The following ATF6 variants were observed in gnomAD, a reference collection of about 807,000 sequenced individuals.
The protein encoded by ATF6 is activating transcription factor 6.
ATF6 carries 53 observed loss-of-function variants against 83.6 expected under a neutral mutation model. That is an observed-to-expected ratio of 0.63 (90% confidence interval 0.51 to 0.80). The LOEUF (loss-of-function observed/expected upper bound fraction) is 0.80, where lower values mean the gene tolerates loss of function less well. Among genes scored for constraint, ATF6 ranks in the 30% least tolerant of loss-of-function variants. The pLI, the probability that ATF6 is intolerant of heterozygous loss-of-function variation, is 0.00. For synonymous variants in ATF6, 288 were observed against 285.8 expected (o/e 1.01, Z -0.08); for missense variants, 744 against 797.9 (o/e 0.93, Z 0.81).
chr1:161,846,394 G>A (rs1686486950), intron 9 of ATF6, 55 bp from the exon 10 acceptor site: 1 of 1,536,460 alleles, frequency 6.5e-7, no homozygotes, highest in East Asian at 2.4e-5. Context: ...CATGTAGCAG[G>A]CATATGTGTG....
At chr1:161,855,874 C>G (rs1173217762) in intron 12 of ATF6, among the ~76,000 whole-genome samples, 1 of 152,242 alleles carries the variant, frequency 6.6e-6, no homozygotes, top group African/African-American at 2.4e-5. Context: ...CGTGAAAGTT[C>G]TTTCATTGGA....
At chr1:161,868,473 C>T in intron 14 of ATF6, among the ~76,000 whole-genome samples, 1 of 151,872 alleles carries the variant, frequency 6.6e-6, no homozygotes, top group Admixed American at 6.6e-5. Flanking sequence ...TCTAAAAGGC[C>T]CATCTTCTCA....
At chr1:161,951,424 C>T (rs1353827150) in intron 15 of ATF6, among the ~76,000 whole-genome samples, 1 of 152,202 alleles carries the variant, frequency 6.6e-6, no homozygotes, top group Non-Finnish European at 1.5e-5. Flanking sequence ...TTCTTGATGA[C>T]TTGACCAGCA....
chr1:161,931,020 G>A (rs150470238), intron 15 of ATF6, among the ~76,000 whole-genome samples: 38 of 152,076 alleles, frequency 2.5e-4, no homozygotes, highest in African/African-American at 8.9e-4. Context: ...GGGATTACAG[G>A]TGCACACCAC....
At chr1:161,876,714 G>T (rs542895365) in intron 14 of ATF6, among the ~76,000 whole-genome samples, 3 of 152,054 alleles carry the variant, frequency 2.0e-5, no homozygotes, top group Admixed American at 2.0e-4. Context: ...TCAATGTATG[G>T]TCATTTTTTA....
intron 15 of ATF6, among the ~76,000 whole-genome samples, chr1:161,926,767 A>G (rs779537227): frequency 5.3e-5 from 8 of 152,102 alleles, no homozygotes; most frequent in South Asian, 2.1e-4. Context: ...ACAAGTCCAT[A>G]ATATTTTGAT....
At chr1:161,875,617 G>GTTTTCC (rs1687200046) in intron 14 of ATF6, among the ~76,000 whole-genome samples, 1 of 151,788 alleles carries the variant, frequency 6.6e-6, no homozygotes, top group Admixed American at 6.6e-5. Flanking sequence ...AAATATGTCA[G>GTTTTCC]TTTTCCTTGA....
chr1:161,792,239 A>G lies in ATF6; in HGVS notation c.600A>G (p.Ala200=), dbSNP rs1246047496. ...PKTQTNSSVP[A]KTIIIQTVPT... is the part of the protein sequence containing the mutation. ...CTCAAACAAACTCCAGTGTTCCAGC[A>G]AAAACCATCATTATTCAGACAGTAC... Residue 200 remains alanine (A), a synonymous_variant, in exon 6 of 16, where the codon GCA becomes GCG. Coordinates refer to ENST00000367942, the MANE Select transcript of ATF6 (RefSeq NM_007348.4). The G allele has an allele frequency of 1.2e-6, 2 of 1,614,028 alleles. No homozygotes were observed. The highest frequency in any genetic ancestry group is 2.7e-5 in the African/African-American group (2 of 74,940).
intron 9 of ATF6, among the ~76,000 whole-genome samples, chr1:161,833,309 A>G (rs1426923924): frequency 1.3e-5 from 2 of 152,124 alleles, no homozygotes; most frequent in Admixed American, 1.3e-4. Flanking sequence ...TGGGGAAAAA[A>G]CAGAGCAGAA....
chr1:161,938,284 G>A (rs190948680), intron 15 of ATF6, among the ~76,000 whole-genome samples: 62 of 152,350 alleles, frequency 4.1e-4, no homozygotes, highest in Non-Finnish European at 6.2e-4. Context: ...TTTGGCTAGT[G>A]TCAAGTATAG....
rs1007106841 is a variant in ATF6 at position 161,912,363 on chromosome 1, C to T, written c.1787C>T (p.Pro596Leu). ...AGACCAAAAATGTCAATTGTGTTAC[C>T]AGCAATAAACATAAATGGTAAGTTG... Reference protein sequence around the residue: ...TTRPKMSIVLPAININENVIN... With the variant: ...TTRPKMSIVLLAININENVIN... Residue 596 changes from proline (P) to leucine (L), a missense_variant, in exon 15 of 16, where the codon CCA (proline) becomes CTA (leucine). By Grantham distance (98) the Pro-to-Leu change is moderately conservative (BLOSUM62 -3). Transcript: ENST00000367942. 3.1e-6 allele frequency: 5 copies of T among 1,608,086 alleles called. No individual in the cohort carries two copies. The highest frequency in any genetic ancestry group is 4.2e-6 in the Non-Finnish European group (5 of 1,176,622).
intron 9 of ATF6, among the ~76,000 whole-genome samples, chr1:161,823,187 A>T (rs1685806307): frequency 6.6e-6 from 1 of 152,006 alleles, no homozygotes; most frequent in South Asian, 2.1e-4. Context: ...AAAATTTTTA[A>T]TTCATTTAAA....
At chr1:161,871,246 A>G (rs1344350186) in intron 14 of ATF6, among the ~76,000 whole-genome samples, 2 of 151,766 alleles carry the variant, frequency 1.3e-5, no homozygotes, top group Non-Finnish European at 3.0e-5. Flanking sequence ...TGAAATTTTT[A>G]AGAATATATA....
intron 7 of ATF6, among the ~76,000 whole-genome samples, chr1:161,804,990 T>A (rs1206133043): frequency 2.0e-5 from 3 of 152,148 alleles, no homozygotes; most frequent in Non-Finnish European, 4.4e-5. Context: ...GCTAAAAATA[T>A]GAGAAAATGT....
intron 14 of ATF6, among the ~76,000 whole-genome samples, chr1:161,889,292 C>G (rs1038472518): frequency 2.0e-5 from 3 of 152,238 alleles, no homozygotes; most frequent in Non-Finnish European, 2.9e-5. Flanking sequence ...GTCCCCAACT[C>G]AAGACAACCC....
intron 7 of ATF6, among the ~76,000 whole-genome samples, chr1:161,811,055 A>G (rs1378000741): frequency 6.6e-6 from 1 of 152,202 alleles, no homozygotes; most frequent in East Asian, 1.9e-4. Flanking sequence ...GTTATGAGTA[A>G]TGCCACTTTG....
intron 15 of ATF6, among the ~76,000 whole-genome samples, chr1:161,942,471 A>G (rs1281401264): frequency 6.6e-6 from 1 of 151,986 alleles, no homozygotes; most frequent in African/African-American, 2.4e-5. Flanking sequence ...AACTCTTGCA[A>G]CCACCCTATG....
At chr1:161,820,960 TAA>T (rs1421581402) in intron 8 of ATF6, 108 bp from the exon 9 acceptor site, 10 of 609,330 alleles carry the variant, frequency 1.6e-5, no homozygotes, top group Non-Finnish European at 2.7e-5. Context: ...AAGGTATTTG[TAA>T]GACAAGAGAT....
chr1:161,959,976 A>G lies in ATF6; in HGVS notation c.*1322A>G, dbSNP rs1164874372. On this transcript the variant is annotated 3_prime_UTR_variant, in exon 16 of 16. Transcript: ENST00000367942. Reference sequence around the variant, plus strand: ...GTATTTGCTCCTTAAAACAACGCAGATTAGTGAACGTGGATTCCTGCTGAG... The same window carrying G: ...GTATTTGCTCCTTAAAACAACGCAGGTTAGTGAACGTGGATTCCTGCTGAG... 6.6e-6 allele frequency: 1 copy of G among 152,150 alleles called. No individual in the cohort carries two copies. The highest frequency in any genetic ancestry group is 1.5e-5 in the Non-Finnish European group (1 of 68,032). 9.4% of individuals were successfully genotyped at this position (152,150 alleles called of 1,614,324 possible).
Sources: gnomAD v4.1 joint callset for allele counts (sites outside exome capture counted in the v4.1 genomes callset) on GRCh38, gnomAD v4.1.1 for gene constraint, MANE v1.5 for transcripts, NCBI Gene and HGNC (gene_info 2026-07-23, HGNC 2026-07-21) for gene names.